RCC1L: variants seen among roughly 807,000 people sequenced by gnomAD.
RCC1L encodes the protein RCC1-like G exchanging factor-like protein.
A neutral mutation model predicts 58.6 loss-of-function variants in RCC1L; 46 were observed. That is an observed-to-expected ratio of 0.79 (90% CI 0.62 to 1.00). The LOEUF is 1.00. Among genes scored for constraint, RCC1L ranks in the 50% least tolerant of loss-of-function variants. The pLI, the probability that RCC1L is intolerant of heterozygous loss-of-function variation, is 0.00. For synonymous variants in RCC1L, 281 were observed against 262.9 expected (o/e 1.07, Z -0.67); for missense variants, 636 against 623.6 (o/e 1.02, Z -0.21).
intron 10 of RCC1L, among the ~76,000 whole-genome samples, chr7:75,044,300 A>T (rs908866005): frequency 0.029 from 4,482 of 152,260 alleles, 168 homozygotes; most frequent in African/African-American, 0.086. Flanking sequence ...AAGAAGAAAA[A>T]GCTATTAAAT....
downstream of RCC1L, among the ~76,000 whole-genome samples, chr7:75,041,121 G>C (rs1805550086): frequency 6.6e-6 from 1 of 152,026 alleles, no homozygotes; most frequent in African/African-American, 2.4e-5. Flanking sequence ...GGGAGGCTGA[G>C]ATAGAATTGC....
chr7:75,048,154 C>G (rs1384189884), intron 10 of RCC1L, among the ~76,000 whole-genome samples: 1 of 150,928 alleles, frequency 6.6e-6, no homozygotes, highest in Admixed American at 6.6e-5. Context: ...GTAATCCCAG[C>G]TACTGGGGAG....
Position 75,033,365 on chromosome 7 carries a change from G to C in RCC1L, c.1318-5286C>G, listed in dbSNP as rs997047593. ...AGACTTAGACAAGAAACAGCAGGTAGAATGCAAAGGCAAAGAAGGACCCGT... is the reference window on the plus strand; with the variant it reads ...AGACTTAGACAAGAAACAGCAGGTACAATGCAAAGGCAAAGAAGGACCCGT... On this transcript the variant is annotated intron_variant, in intron 10 of 10. Transcript: ENST00000614461. Among the ~76,000 whole-genome samples the C allele has an allele frequency of 2.6e-5, 4 of 152,094 alleles. 1 individual carries two copies. In the East Asian group the frequency reaches 7.7e-4, roughly 29 times the overall value.
At chr7:75,046,595 G>C (rs912327897) in intron 10 of RCC1L, among the ~76,000 whole-genome samples, 29 of 152,264 alleles carry the variant, frequency 1.9e-4, no homozygotes, top group Non-Finnish European at 3.5e-4. Context: ...AATCTCACAC[G>C]GTCTCTGAAC....
At chr7:75,041,998 G>C (rs1179085309), downstream of RCC1L, among the ~76,000 whole-genome samples, 1 of 152,144 alleles carries the variant, frequency 6.6e-6, no homozygotes, top group Non-Finnish European at 1.5e-5. Context: ...CAGGAGGATG[G>C]CTTGAGGCCA....
chr7:75,045,540 G>A (rs200731807), intron 10 of RCC1L, among the ~76,000 whole-genome samples: 1 of 149,746 alleles, frequency 6.7e-6, no homozygotes, highest in African/African-American at 2.5e-5. Flanking sequence ...TTTTTGAGAC[G>A]GAGTCTCGCT....
intron 10 of RCC1L, among the ~76,000 whole-genome samples, chr7:75,046,912 G>A (rs1805737318): frequency 6.6e-6 from 1 of 152,154 alleles, no homozygotes; most frequent in African/African-American, 2.4e-5. Flanking sequence ...GAGAAAGGGA[G>A]ACTACTCCGG....
rs957331566 is a variant in RCC1L at position 75,052,996 on chromosome 7, G to A, written c.1232-200C>T. Among the ~76,000 whole-genome samples, 4 of 150,964 alleles carry A rather than the reference G, an allele frequency of 2.6e-5. No individual in the cohort carries two copies. The South Asian group carries it at 6.3e-4, about 24-fold the overall frequency. ...GTCCCCATATCGAAAACACATCCAC[G>A]GCCAGGACTTCTGCTGCATCCACCC... On this transcript the variant is annotated intron_variant, in intron 9 of 10. Coordinates refer to ENST00000610322, the MANE Select transcript of RCC1L (RefSeq NM_030798.5).
At position 75,057,512 on chromosome 7, in the gene RCC1L, C is replaced by T. The variant is rs920235297; in HGVS notation, c.1057+17G>A. 33 of 1,613,222 alleles carry T rather than the reference C, an allele frequency of 2.0e-5. No homozygotes were observed. The African/African-American group carries it at 2.4e-4, about 12-fold the overall frequency. On this transcript the variant is annotated intron_variant, in intron 8 of 10. Transcript: ENST00000610322. The stretch of plus-strand genomic sequence containing the variant: ...TACCTACAGCTTCCCAATGAGCCAC[C>T]GGAAAGAAGGTCTCACCGTTTAACA...
intron 10 of RCC1L, chr7:75,028,087 G>A: frequency 1.3e-6 from 2 of 1,530,192 alleles, no homozygotes; most frequent in Non-Finnish European, 1.7e-6. Context: ...TGCCTGGCGG[G>A]GGAGGAAGAG....
At chr7:75,056,849 C>G in intron 8 of RCC1L, 4 of 959,134 alleles carry the variant, frequency 4.2e-6, no homozygotes, top group Non-Finnish European at 6.4e-6. Flanking sequence ...AACAGGGTCT[C>G]ACCGTGTTGC....
chr7:75,027,864 C>T (rs1805181904), exon 11 of RCC1L: 2 of 779,986 alleles, frequency 2.6e-6, no homozygotes, highest in Non-Finnish European at 4.3e-6. Flanking sequence ...TGGTTTTTCC[C>T]AGGCAGGGGC....
At chr7:75,064,456 C>T in intron 4 of RCC1L, 126 bp downstream of exon 4, 1 of 1,002,586 alleles carries the variant, frequency 1.0e-6, no homozygotes, top group South Asian at 1.3e-5. Flanking sequence ...CAGCTTTCTG[C>T]TGAGTTCTCA....
chr7:75,040,825 C>G (rs2131973986), downstream of RCC1L, among the ~76,000 whole-genome samples: 2 of 152,220 alleles, frequency 1.3e-5, no homozygotes, highest in African/African-American at 4.8e-5. Flanking sequence ...GGTTCGCAGC[C>G]CAGGTGAAGG....
At chr7:75,056,593 C>T (rs1173489471) in intron 8 of RCC1L, 15 of 1,534,372 alleles carry the variant, frequency 9.8e-6, no homozygotes, top group African/African-American at 6.8e-5. Context: ...GTTCTCCCAT[C>T]TGCCTTTGAT....
At chr7:75,045,881 G>A (rs1239303391) in intron 10 of RCC1L, among the ~76,000 whole-genome samples, 2 of 152,222 alleles carry the variant, frequency 1.3e-5, no homozygotes, top group African/African-American at 4.8e-5. Context: ...GAAGACCCCT[G>A]CCAGGATGCT....
intron 10 of RCC1L, among the ~76,000 whole-genome samples, chr7:75,033,692 C>CAA (rs879241870): frequency 9.7e-5 from 13 of 134,322 alleles, no homozygotes; most frequent in African/African-American, 2.5e-4. Context: ...GAGTCTCTAT[C>CAA]AAAAAAAAAA....
chr7:75,064,835 G>C, intron 3 of RCC1L, 187 bp from the exon 4 acceptor site: 1 of 670,824 alleles, frequency 1.5e-6, no homozygotes, highest in Non-Finnish European at 2.7e-6. Flanking sequence ...GGGGAATCTA[G>C]ACCCGCCTTC....
At chr7:75,039,421 G>T (rs1805497394), downstream of RCC1L, among the ~76,000 whole-genome samples, 1 of 152,238 alleles carries the variant, frequency 6.6e-6, no homozygotes. Flanking sequence ...AATGTGGGCT[G>T]ACCATGTATT....
Sources: gnomAD v4.1 joint callset for allele counts (sites outside exome capture counted in the v4.1 genomes callset) on GRCh38, gnomAD v4.1.1 for gene constraint, MANE v1.5 for transcripts, NCBI Gene and HGNC (gene_info 2026-07-23, HGNC 2026-07-21) for gene names.